The following PNPLA5 variants were observed in gnomAD, a reference collection of about 807,000 sequenced individuals.
PNPLA5 encodes patatin like domain 5, triacylglycerol lipase.
In PNPLA5, 44 loss-of-function variants were observed where a neutral mutation model predicts 49.1. That is an observed-to-expected ratio of 0.90 (90% confidence interval 0.70 to 1.15). PNPLA5 has a LOEUF of 1.15. Among genes scored for constraint, PNPLA5 ranks in the 50% most tolerant of loss-of-function variants. The pLI, the probability that PNPLA5 is intolerant of heterozygous loss-of-function variation, is 0.00. For missense variants in PNPLA5, 603 were observed against 564.0 expected (o/e 1.07, Z -0.70); for synonymous variants, 243 against 244.4 (o/e 0.99, Z 0.06).
At position 43,890,229 on chromosome 22, in the gene PNPLA5, C is replaced by T. The variant is rs529245904; in HGVS notation, c.427-365G>A. Among the ~76,000 whole-genome samples, 12 of 152,338 alleles carry T rather than the reference C, an allele frequency of 7.9e-5. No homozygotes were observed. In the South Asian group the frequency reaches 1.0e-3, roughly 13 times the overall value. On this transcript the variant is annotated intron_variant, in intron 2 of 8. Coordinates refer to ENST00000216177, the MANE Select transcript of PNPLA5 (RefSeq NM_138814.4). ...ACACATTAGCTGCCGTGACTGTTAT[C>T]AGTCTGTGGGAACAAAACTGTCACC...
intron 1 of PNPLA5, 73 bp downstream of exon 1, chr22:43,891,615 C>G: frequency 6.9e-7 from 1 of 1,455,948 alleles, no homozygotes; most frequent in Non-Finnish European, 9.1e-7. Context: ...CGCCAGGCAC[C>G]AGCGTCTCTG....
chr22:43,880,424 C>T lies in PNPLA5; in HGVS notation c.*371G>A. Reference sequence around the variant, plus strand: ...TGGCTCCTCTGGTCTCTGACGCGGGCATCAGGCACTTTCTCAATCTTCTGT... The same window carrying T: ...TGGCTCCTCTGGTCTCTGACGCGGGTATCAGGCACTTTCTCAATCTTCTGT... On this transcript the variant is annotated 3_prime_UTR_variant, in exon 9 of 9. Transcript: ENST00000216177. 1 of 398,784 alleles carries T rather than the reference C, an allele frequency of 2.5e-6. No homozygotes were observed. The highest frequency in any genetic ancestry group is 4.4e-6 in the Non-Finnish European group (1 of 226,186). The allele number at this position is 398,784 out of a possible 1,614,324, so 24.7% of individuals were successfully genotyped here.
chr22:43,889,622 T>A, intron 3 of PNPLA5, 84 bp from the exon 4 acceptor site: 3 of 1,536,816 alleles, frequency 2.0e-6, no homozygotes, highest in Non-Finnish European at 2.6e-6. Context: ...CCTCCAGCTG[T>A]CCCTGAGTCA....
intron 3 of PNPLA5, 108 bp from the exon 4 acceptor site, chr22:43,889,646 A>G: frequency 6.6e-7 from 1 of 1,526,508 alleles, no homozygotes; most frequent in Non-Finnish European, 8.8e-7. Flanking sequence ...GGGCCACTCC[A>G]GCCCAGGAGG....
In PNPLA5 at chr22:43,887,635, C is replaced by G; in HGVS notation, c.719G>C (p.Cys240Ser). Residue 240 changes from cysteine (C) to serine (S), a missense_variant, in exon 5 of 9, where the codon TGC (cysteine) becomes TCC (serine). By Grantham distance (112) the Cys-to-Ser change is moderately radical. Coordinates refer to ENST00000216177, the MANE Select transcript of PNPLA5 (RefSeq NM_138814.4). Reference protein sequence around the residue: ...PPSLEVVADNCRQGYLDALRF... With the variant: ...PPSLEVVADNSRQGYLDALRF... Reference sequence around the variant, plus strand: ...CAGGGCATCCAGGTAGCCTTGTCTGCAGTTGTCGGCCACTACCTGCCAACA... The same window carrying G: ...CAGGGCATCCAGGTAGCCTTGTCTGGAGTTGTCGGCCACTACCTGCCAACA... The G allele has an allele frequency of 6.2e-7, 1 of 1,606,260 alleles. No homozygotes were observed. Among genetic ancestry groups the G allele is most frequent in the Non-Finnish European group, 8.5e-7 (1 of 1,175,972 alleles).
chr22:43,891,999 G>C lies in PNPLA5; in HGVS notation c.-119C>G. 2.8e-6 allele frequency: 3 copies of C among 1,063,594 alleles called. No homozygotes were observed. The highest frequency in any genetic ancestry group is 3.9e-6 in the Non-Finnish European group (3 of 769,428). 65.9% of individuals were successfully genotyped at this position (1,063,594 alleles called of 1,614,324 possible). On this transcript the variant is annotated 5_prime_UTR_variant, in exon 1 of 9. Coordinates refer to ENST00000216177, the MANE Select transcript of PNPLA5 (RefSeq NM_138814.4). ...AAATGTGGGCTCTGGAGGGAGCCGG[G>C]CTGGGGCTGGTGCTGGTGCTCCCTG...
At chr22:43,891,518 G>A (rs1224461695) in intron 1 of PNPLA5, 170 bp downstream of exon 1, 1 of 854,292 alleles carries the variant, frequency 1.2e-6, no homozygotes, top group Non-Finnish European at 1.4e-6. Context: ...TCCCTCCTCT[G>A]CAAATGGGGG....
intron 7 of PNPLA5, 65 bp downstream of exon 7, chr22:43,884,148 C>T (rs2049638030): frequency 4.9e-6 from 7 of 1,416,780 alleles, no homozygotes; most frequent in Admixed American, 5.1e-5. Context: ...AGCCGCCCCT[C>T]CTGCCATGGG....
At chr22:43,883,412 T>C (rs951144296) in intron 7 of PNPLA5, among the ~76,000 whole-genome samples, 1 of 152,238 alleles carries the variant, frequency 6.6e-6, no homozygotes, top group Non-Finnish European at 1.5e-5. Flanking sequence ...CAGCAACTGC[T>C]GGTGGGATGA....
intron 5 of PNPLA5, 68 bp downstream of exon 5, chr22:43,887,523 C>G: frequency 1.3e-6 from 2 of 1,560,482 alleles, no homozygotes; most frequent in Non-Finnish European, 1.7e-6. Flanking sequence ...GCTCAAAGGC[C>G]CAAGAGGCAG....
chr22:43,880,776 C>A lies in PNPLA5; in HGVS notation c.*19G>T, dbSNP rs750047305. On this transcript the variant is annotated 3_prime_UTR_variant, in exon 9 of 9. Coordinates refer to ENST00000216177, the MANE Select transcript of PNPLA5 (RefSeq NM_138814.4). Reference sequence around the variant, plus strand: ...GAATCAAGGGACACCAGTCACTGGGCTGGCCCTGCTCGGCCCCCTCAGGCC... The same window carrying A: ...GAATCAAGGGACACCAGTCACTGGGATGGCCCTGCTCGGCCCCCTCAGGCC... The A allele has an allele frequency of 1.5e-6, 2 of 1,319,342 alleles. No homozygotes were observed. The highest frequency in any genetic ancestry group is 2.1e-4 in the Middle Eastern group (1 of 4,788). 81.7% of individuals were successfully genotyped at this position (1,319,342 alleles called of 1,614,324 possible).
At chr22:43,883,750 G>A (rs1031670236) in intron 7 of PNPLA5, among the ~76,000 whole-genome samples, 5 of 152,000 alleles carry the variant, frequency 3.3e-5, no homozygotes, top group African/African-American at 1.2e-4. Context: ...GGCAGAGGTT[G>A]CAGTGAGCCA....
At chr22:43,887,537 C>G (rs1011933971) in intron 5 of PNPLA5, 54 bp downstream of exon 5, 5 of 1,582,266 alleles carry the variant, frequency 3.2e-6, no homozygotes, top group Non-Finnish European at 3.4e-6. Context: ...GAGGCAGGGT[C>G]TACCTGGCAC....
chr22:43,880,363 A>G lies in PNPLA5; in HGVS notation c.*432T>C, dbSNP rs2049595477. 5.0e-6 allele frequency: 2 copies of G among 398,606 alleles called. No individual in the cohort carries two copies. The highest frequency in any genetic ancestry group is 8.8e-6 in the Non-Finnish European group (2 of 226,182). The allele number at this position is 398,606 out of a possible 1,614,324, so 24.7% of individuals were successfully genotyped here. On this transcript the variant is annotated 3_prime_UTR_variant, in exon 9 of 9. Coordinates refer to ENST00000216177, the MANE Select transcript of PNPLA5 (RefSeq NM_138814.4). ...CCAAGGGCCGCTGCAGGACTGAGAAAGTCTGGGGGGAGCACCCCCACCCCA... is the reference window on the plus strand; with the variant it reads ...CCAAGGGCCGCTGCAGGACTGAGAAGGTCTGGGGGGAGCACCCCCACCCCA...
chr22:43,887,740 G>C, intron 4 of PNPLA5, 89 bp from the exon 5 acceptor site: 2 of 1,546,474 alleles, frequency 1.3e-6, no homozygotes, highest in Non-Finnish European at 1.7e-6. Flanking sequence ...ATCTTCAACT[G>C]GAAATAGTCC....
chr22:43,885,394 C>T (rs543004556), intron 6 of PNPLA5, among the ~76,000 whole-genome samples: 1 of 151,780 alleles, frequency 6.6e-6, no homozygotes, highest in Non-Finnish European at 1.5e-5. Context: ...CTCTTCCCAC[C>T]CAGCTGGGTC....
At chr22:43,886,808 A>G (rs2049669889) in intron 5 of PNPLA5, among the ~76,000 whole-genome samples, 1 of 152,232 alleles carries the variant, frequency 6.6e-6, no homozygotes, top group Admixed American at 6.5e-5. Context: ...AAGGAAAAGT[A>G]AGACCTGCTT....
chr22:43,891,743 G>A lies in PNPLA5; in HGVS notation c.138C>T (p.Tyr46=), dbSNP rs972013569. Residue 46 remains tyrosine (Y), a synonymous_variant, in exon 1 of 9, where the codon TAC becomes TAT. Transcript: ENST00000216177. ...PRLLQGARRI[Y]GSSSGALNAV... ...CGTTGAGCGCCCCAGACGAGGAACC[G>A]TAGATGCGGCGGGCGCCCTGGAGGA... is the stretch of plus-strand genomic sequence containing the variant. The A allele has an allele frequency of 1.3e-6, 2 of 1,545,618 alleles. No individual in the cohort carries two copies. The highest frequency in any genetic ancestry group is 1.2e-5 in the South Asian group (1 of 83,582).
chr22:43,886,494 T>A lies in PNPLA5; in HGVS notation c.764-6A>T. 6.2e-7 allele frequency: 1 copy of A among 1,609,310 alleles called. No homozygotes were observed. The highest frequency in any genetic ancestry group is 8.5e-7 in the Non-Finnish European group (1 of 1,177,920). ...CACTGGTTCCTTGGTGAGTCCTGGG[T>A]CAGGGGAAGGGAGAGGATAAGTCAA... On this transcript the variant is annotated splice_polypyrimidine_tract_variant and splice_region_variant and intron_variant, in intron 5 of 8. Transcript: ENST00000216177.
Sources: gnomAD v4.1 joint callset for allele counts (sites outside exome capture counted in the v4.1 genomes callset) on GRCh38, gnomAD v4.1.1 for gene constraint, MANE v1.5 for transcripts, NCBI Gene and HGNC (gene_info 2026-07-23, HGNC 2026-07-21) for gene names.